CDH12: variants seen among roughly 807,000 people sequenced by gnomAD.
CDH12 encodes the protein cadherin-12.
CDH12 carries 41 observed loss-of-function variants against 74.1 expected under a neutral mutation model. The ratio of observed to expected loss-of-function variants is 0.55; its 90% CI spans 0.43 to 0.72. CDH12 has a LOEUF of 0.72. Among genes scored for constraint, CDH12 ranks in the 30% least tolerant of loss-of-function variants. CDH12 has a pLI of 0.00. For synonymous variants in CDH12, 399 were observed against 355.0 expected, an observed-to-expected ratio of 1.12 and a Z score of -1.39; for missense variants, 945 against 977.2, an observed-to-expected ratio of 0.97 and a Z score of 0.44.
chr5:22,649,722 G>A (rs1739631680), intron 1 of CDH12, among the ~76,000 whole-genome samples: 2 of 151,712 alleles, frequency 1.3e-5, no homozygotes, highest in South Asian at 2.2e-4. Context: ...ATTGCTAATA[G>A]TATGAGTTTT....
At chr5:22,166,180 A>ATGATCAGGGCCCCTTTTCAG (rs1748673090) in intron 4 of CDH12, among the ~76,000 whole-genome samples, 1 of 152,110 alleles carries the variant, frequency 6.6e-6, no homozygotes, top group African/African-American at 2.4e-5. Context: ...AAAAAAATAC[A>ATGATCAGGGCCCCTTTTCAG]TAATGGCTAG....
intron 6 of CDH12, chr5:21,889,752 T>C (rs1752811860): frequency 2.0e-6 from 2 of 985,088 alleles, no homozygotes; most frequent in Non-Finnish European, 1.2e-6. Context: ...GCTTTCTTTC[T>C]TTCTGCTGTA....
At chr5:22,553,847 A>G (rs1377986724) in intron 1 of CDH12, among the ~76,000 whole-genome samples, 1 of 152,124 alleles carries the variant, frequency 6.6e-6, no homozygotes, top group Non-Finnish European at 1.5e-5. Context: ...TCTCATAAGG[A>G]GCATGCAGCC....
chr5:22,585,313 A>T (rs540573312), intron 1 of CDH12, among the ~76,000 whole-genome samples: 1 of 152,234 alleles, frequency 6.6e-6, no homozygotes, highest in Admixed American at 6.5e-5. Flanking sequence ...CTTGCTATTT[A>T]AAAGATTTTC....
At chr5:22,327,842 C>A (rs1236438370) in intron 3 of CDH12, among the ~76,000 whole-genome samples, 1 of 152,096 alleles carries the variant, frequency 6.6e-6, no homozygotes, top group Non-Finnish European at 1.5e-5. Flanking sequence ...CCTTTGATCT[C>A]CCCATGAGAG....
At chr5:22,547,306 A>G (rs143989067) in intron 1 of CDH12, among the ~76,000 whole-genome samples, 94 of 152,302 alleles carry the variant, frequency 6.2e-4, no homozygotes, top group Middle Eastern at 3.4e-3. Context: ...TTCAGAGTTG[A>G]GAATATTGAG....
rs114872058 is a variant in CDH12 at position 22,077,510 on chromosome 5, T to C, written c.231+936A>G. On this transcript the variant is annotated intron_variant, in intron 5 of 14. Coordinates refer to ENST00000382254, the MANE Select transcript of CDH12 (RefSeq NM_004061.5). ...TCTTCCTATGATGGTTTTCCAATTATGACTTTGGATTTATTTTAAACTCTC... is the reference window on the plus strand; with the variant it reads ...TCTTCCTATGATGGTTTTCCAATTACGACTTTGGATTTATTTTAAACTCTC... Among the ~76,000 whole-genome samples the C allele has an allele frequency of 7.3e-3, 1,110 of 152,252 alleles. 12 individuals are homozygous for C. Among genetic ancestry groups the C allele is most frequent in the African/African-American group, 0.026 (1,066 of 41,572 alleles).
At chr5:22,455,522 T>C (rs1745227807) in intron 2 of CDH12, among the ~76,000 whole-genome samples, 1 of 151,134 alleles carries the variant, frequency 6.6e-6, no homozygotes, top group South Asian at 2.1e-4. Flanking sequence ...ACAGACACTC[T>C]AGGTGATTTT....
At chr5:22,291,222 C>T (rs989805968) in intron 3 of CDH12, among the ~76,000 whole-genome samples, 2 of 152,070 alleles carry the variant, frequency 1.3e-5, no homozygotes, top group Non-Finnish European at 2.9e-5. Flanking sequence ...TGTGTCTCAA[C>T]ATAATAAAGA....
chr5:22,269,684 C>A (rs948073582), intron 3 of CDH12, among the ~76,000 whole-genome samples: 7 of 152,112 alleles, frequency 4.6e-5, no homozygotes, highest in Non-Finnish European at 7.4e-5. Context: ...AGATAAGAGT[C>A]CCCATCCTTC....
intron 6 of CDH12, among the ~76,000 whole-genome samples, chr5:21,880,572 T>TTCC (rs1579895240): frequency 0.032 from 417 of 12,874 alleles, 67 homozygotes; most frequent in Admixed American, 0.092. Flanking sequence ...CCCTTCTTTC[T>TTCC]TTCCTTCCTT....
intron 5 of CDH12, among the ~76,000 whole-genome samples, chr5:22,036,804 A>G (rs1478414889): frequency 2.8e-4 from 43 of 152,212 alleles, no homozygotes; most frequent in Admixed American, 2.6e-3. Context: ...CATATTCACT[A>G]AACTAGCATT....
At chr5:22,622,804 T>C (rs968648896) in intron 1 of CDH12, among the ~76,000 whole-genome samples, 1 of 152,168 alleles carries the variant, frequency 6.6e-6, no homozygotes, top group Non-Finnish European at 1.5e-5. Flanking sequence ...GAGGGAATCC[T>C]CCCTAATTCA....
Position 21,751,689 on chromosome 5 carries a change from T to C in CDH12, c.*48A>G. The C allele has an allele frequency of 4.6e-6, 7 of 1,509,012 alleles. No homozygotes were observed. Among genetic ancestry groups the C allele is most frequent in the Non-Finnish European group, 5.4e-6 (6 of 1,120,282 alleles). The allele number at this position is 1,509,012 out of a possible 1,614,324, so 93.5% of individuals were successfully genotyped here. A position where few individuals can be genotyped will look rare whatever the true frequency, so the allele number is the denominator to read the frequency against. On this transcript the variant is annotated 3_prime_UTR_variant, in exon 15 of 15. Coordinates refer to ENST00000382254, the MANE Select transcript of CDH12 (RefSeq NM_004061.5). ...TATTAATATTTGTGTTTCTTTTTCT[T>C]TTTTAAAAATCTCCCCTCTCGGTTG...
At chr5:22,851,289 G>A (rs113535848) in intron 1 of CDH12, among the ~76,000 whole-genome samples, 4 of 152,184 alleles carry the variant, frequency 2.6e-5, no homozygotes, top group African/African-American at 9.6e-5. Flanking sequence ...AGAGGAGTGA[G>A]TTTGAGTAGA....
At chr5:22,309,110 A>G (rs1432250344) in intron 3 of CDH12, among the ~76,000 whole-genome samples, 1 of 152,194 alleles carries the variant, frequency 6.6e-6, no homozygotes, top group Non-Finnish European at 1.5e-5. Context: ...ACAGTATTGT[A>G]CCATAATTCA....
At position 22,226,262 on chromosome 5, in the gene CDH12, A is replaced by C. The variant is rs556504071; in HGVS notation, c.-332-13619T>G. 1.5e-3 allele frequency among the ~76,000 whole-genome samples: 224 copies of C among 152,106 alleles called. 3 individuals are homozygous for C. Among genetic ancestry groups the C allele is most frequent in the African/African-American group, 5.0e-3 (206 of 41,508 alleles). ...GACCCTCCCCCTTGGATGACAGCAA[A>C]GGAATTTTTGCAGATGTAATTAAGG... On this transcript the variant is annotated intron_variant, in intron 3 of 14. Transcript: ENST00000382254.
At chr5:22,005,938 AG>A (rs1199302435) in intron 5 of CDH12, among the ~76,000 whole-genome samples, 1 of 152,152 alleles carries the variant, frequency 6.6e-6, no homozygotes, top group East Asian at 1.9e-4. Context: ...TGCAGCTTAT[AG>A]GTCACCTTTG....
rs114452570 is a variant in CDH12, at chr5:21,804,498, G to A, written c.1003-2078C>T. Reference sequence around the variant, plus strand: ...AGACACACATTTTCAAATACTTGAAGGGCCATTATGTTGACATTACTTAGG... The same window carrying A: ...AGACACACATTTTCAAATACTTGAAAGGCCATTATGTTGACATTACTTAGG... On this transcript the variant is annotated intron_variant, in intron 9 of 14. Coordinates refer to ENST00000382254, the MANE Select transcript of CDH12 (RefSeq NM_004061.5). Among the ~76,000 whole-genome samples the A allele has an allele frequency of 2.9e-3, 441 of 152,186 alleles. 1 individual carries two copies. The highest frequency in any genetic ancestry group is 0.01 in the African/African-American group (428 of 41,548).
Sources: gnomAD v4.1 joint callset for allele counts (sites outside exome capture counted in the v4.1 genomes callset) on GRCh38, gnomAD v4.1.1 for gene constraint, MANE v1.5 for transcripts, NCBI Gene and HGNC (gene_info 2026-07-23, HGNC 2026-07-21) for gene names.